DNAAF6: variants seen among roughly 807,000 people sequenced by gnomAD.
DNAAF6 encodes the protein dynein axonemal assembly factor 6.
A neutral mutation model predicts 13.7 loss-of-function variants in DNAAF6; 3 were observed. That is an observed-to-expected ratio of 0.22 (90% CI 0.10 to 0.56). The LOEUF is 0.56. DNAAF6 is among the 20% of genes least tolerant of loss of function. The probability of loss-of-function intolerance (pLI) is 0.92; values close to 1 mark genes in which losing one functional copy is unlikely to be tolerated. For missense variants in DNAAF6, 130 were observed against 151.0 expected (o/e 0.86, Z 0.73); for synonymous variants, 54 against 49.2 (o/e 1.10, Z -0.41).
intron 5 of DNAAF6, among the ~76,000 whole-genome samples, chrX:107,237,193 C>T (rs1004784903): frequency 8.9e-6 from 1 of 112,123 alleles, no homozygotes; most frequent in Non-Finnish European, 1.9e-5. Context: ...AACACAACTG[C>T]CTACTTTAAG....
At chrX:107,225,835 A>G (rs1928243804) in intron 5 of DNAAF6, among the ~76,000 whole-genome samples, 1 of 111,571 alleles carries the variant, frequency 9.0e-6, no homozygotes, top group Non-Finnish European at 1.9e-5. Context: ...TCCCTGCCCT[A>G]TTGTTATCCT....
Position 107,243,225 on chromosome X carries a change from A to G in DNAAF6, c.572A>G (p.Tyr191Cys). The G allele has an allele frequency of 5.8e-6, 7 of 1,210,450 alleles. No homozygotes were observed. Among genetic ancestry groups the G allele is most frequent in the Non-Finnish European group, 7.8e-6 (7 of 895,093 alleles). Residue 191 changes from tyrosine (Y) to cysteine (C), a missense_variant, in exon 7 of 7, where the codon TAT (tyrosine) becomes TGT (cysteine). Transcript: ENST00000372453. ...LVECTSAKAF[Y>C]IPETETLEIT... ...GAATGTACCAGTGCCAAAGCATTCT[A>G]TATCCCAGAGACTGAAACTCTTGAA...
chrX:107,236,789 C>T (rs1027944728), intron 5 of DNAAF6, among the ~76,000 whole-genome samples: 2 of 111,939 alleles, frequency 1.8e-5, no homozygotes, highest in Non-Finnish European at 3.8e-5. Flanking sequence ...ACATTTCAGA[C>T]TAAAGAAACA....
chrX:107,241,801 T>A (rs1279700715), intron 6 of DNAAF6, among the ~76,000 whole-genome samples: 1 of 111,807 alleles, frequency 8.9e-6, no homozygotes, highest in Non-Finnish European at 1.9e-5. Flanking sequence ...CGTAGATGGA[T>A]CATTCCAATG....
intron 5 of DNAAF6, among the ~76,000 whole-genome samples, chrX:107,236,437 G>T (rs1186072865): frequency 9.0e-6 from 1 of 111,486 alleles, no homozygotes; most frequent in East Asian, 2.8e-4. Context: ...CTGTATTCCA[G>T]GTATTTGTTT....
chrX:107,215,933 C>T (rs1470582889), intron 2 of DNAAF6, among the ~76,000 whole-genome samples: 3 of 111,184 alleles, frequency 2.7e-5, no homozygotes, highest in African/African-American at 6.5e-5. Context: ...GAGGTGGTGT[C>T]GCTATGTGTT....
chrX:107,243,106 GTCTTATTGAAAGTGATACA>G, intron 6 of DNAAF6, 44 bp from the exon 7 acceptor site: 1 of 1,123,431 alleles, frequency 8.9e-7, no homozygotes, highest in Non-Finnish European at 1.2e-6. Flanking sequence ...GTTTGCAATT[GTCTTATTGAAAGTGATACA>G]TCATTTTAGG....
intron 5 of DNAAF6, among the ~76,000 whole-genome samples, chrX:107,231,154 T>C (rs1659876385): frequency 9.0e-6 from 1 of 111,626 alleles, no homozygotes; most frequent in Middle Eastern, 4.2e-3. Context: ...AAAAAAGAGA[T>C]CCTGTCATTT....
chrX:107,230,475 G>A (rs897212225), intron 5 of DNAAF6, among the ~76,000 whole-genome samples: 23 of 111,606 alleles, frequency 2.1e-4, no homozygotes, highest in African/African-American at 7.5e-4. Flanking sequence ...CTGAGATCAG[G>A]AGTTCGAGAC....
intron 1 of DNAAF6, among the ~76,000 whole-genome samples, chrX:107,208,535 A>G (rs896827372): frequency 2.9e-5 from 3 of 103,826 alleles, no homozygotes; most frequent in African/African-American, 1.2e-4. Context: ...AAATCAAAAG[A>G]CGCAATTTTT....
rs1375200961 is a variant in DNAAF6, at chrX:107,211,300, A to G, written c.-3-1573A>G. On this transcript the variant is annotated intron_variant, in intron 1 of 6. Coordinates refer to ENST00000372453, the MANE Select transcript of DNAAF6 (RefSeq NM_173494.2). Reference sequence around the variant, plus strand: ...ATTTGGGATTCTTTTGTTTATCAAAATACAATATCAACAAACTTGTCATGA... The same window carrying G: ...ATTTGGGATTCTTTTGTTTATCAAAGTACAATATCAACAAACTTGTCATGA... Among the ~76,000 whole-genome samples the G allele has an allele frequency of 5.3e-5, 6 of 112,299 alleles. No homozygotes were observed. The East Asian group carries it at 1.7e-3, about 31-fold the overall frequency.
At chrX:107,238,550 T>C (rs889116168) in intron 5 of DNAAF6, among the ~76,000 whole-genome samples, 5 of 111,691 alleles carry the variant, frequency 4.5e-5, no homozygotes, top group African/African-American at 1.3e-4. Context: ...TAAACTTTTT[T>C]TATACAAATT....
intron 5 of DNAAF6, among the ~76,000 whole-genome samples, chrX:107,225,761 A>G (rs927840688): frequency 9.0e-6 from 1 of 111,534 alleles, no homozygotes; most frequent in Non-Finnish European, 1.9e-5. Flanking sequence ...CAAAATTATG[A>G]ATTAGGAATG....
intron 5 of DNAAF6, among the ~76,000 whole-genome samples, chrX:107,231,116 G>A (rs1928384403): frequency 9.0e-6 from 1 of 111,029 alleles, no homozygotes; most frequent in African/African-American, 3.3e-5. Flanking sequence ...ATATGAGTAC[G>A]TAATAGAGAT....
chrX:107,213,129 T>C, intron 2 of DNAAF6, 101 bp downstream of exon 2: 1 of 831,802 alleles, frequency 1.2e-6, no homozygotes, highest in African/African-American at 2.1e-5. Flanking sequence ...CAGAGCTGTG[T>C]CATTTGATAC....
Position 107,234,347 on chromosome X carries a change from A to T in DNAAF6, c.430-4575A>T, listed in dbSNP as rs762485930. On this transcript the variant is annotated intron_variant, in intron 5 of 6. Coordinates refer to ENST00000372453, the MANE Select transcript of DNAAF6 (RefSeq NM_173494.2). Reference sequence around the variant, plus strand: ...AGAGATCTAATGCCTTTAATTTTTTAAAATTTTCCTATAGATTATCATTCT... The same window carrying T: ...AGAGATCTAATGCCTTTAATTTTTTTAAATTTTCCTATAGATTATCATTCT... Among the ~76,000 whole-genome samples, 801 of 112,335 alleles carry T rather than the reference A, an allele frequency of 7.1e-3. 6 individuals carry two copies. Among genetic ancestry groups the T allele is most frequent in the Middle Eastern group, 0.014 (3 of 217 alleles).
intron 4 of DNAAF6, among the ~76,000 whole-genome samples, chrX:107,219,706 C>G (rs1282500302): frequency 2.7e-5 from 3 of 111,183 alleles, no homozygotes; most frequent in Non-Finnish European, 5.7e-5. Context: ...AAAGCCAACA[C>G]TTACTAAATT....
At chrX:107,215,135 A>G (rs1254565661) in intron 2 of DNAAF6, among the ~76,000 whole-genome samples, 1 of 111,973 alleles carries the variant, frequency 8.9e-6, no homozygotes, top group Non-Finnish European at 1.9e-5. Context: ...CAATTGCCAG[A>G]TGGTTTTTAA....
intron 4 of DNAAF6, 149 bp from the exon 5 acceptor site, chrX:107,222,596 T>C: frequency 5.1e-6 from 3 of 590,707 alleles, no homozygotes; most frequent in Non-Finnish European, 7.1e-6. Flanking sequence ...CTTTATGTTC[T>C]ATTATATGCC....
Sources: allele counts gnomAD v4.1 joint callset (sites outside exome capture counted in the v4.1 genomes callset), GRCh38; gene constraint gnomAD v4.1.1; transcripts MANE v1.5; gene names NCBI Gene and HGNC (gene_info 2026-07-23, HGNC 2026-07-21).